CLYBL: variants seen among roughly 807,000 people sequenced by gnomAD.
CLYBL encodes citramalyl-CoA lyase, mitochondrial.
A neutral mutation model predicts 38.9 loss-of-function variants in CLYBL; 31 were observed. That is an observed-to-expected ratio of 0.80 (90% CI 0.60 to 1.08). The LOEUF (loss-of-function observed/expected upper bound fraction) is 1.08, where lower values mean the gene tolerates loss of function less well. CLYBL is among the 50% of genes least tolerant of loss of function. The probability of loss-of-function intolerance (pLI) is 0.00; values close to 1 mark genes in which losing one functional copy is unlikely to be tolerated. For missense variants in CLYBL, 434 were observed against 411.6 expected (o/e 1.05, Z -0.47); for synonymous variants, 171 against 158.6 (o/e 1.08, Z -0.59).
intron 1 of CLYBL, among the ~76,000 whole-genome samples, chr13:99,677,068 C>A (rs2047664311): frequency 6.6e-6 from 1 of 151,690 alleles, no homozygotes; most frequent in Admixed American, 6.6e-5. Flanking sequence ...CTGTGTCAGC[C>A]ATAATTACTG....
At chr13:99,837,046 A>AT (rs2050956260) in intron 2 of CLYBL, among the ~76,000 whole-genome samples, 1 of 152,090 alleles carries the variant, frequency 6.6e-6, no homozygotes, top group South Asian at 2.1e-4. Context: ...TAATAATTAA[A>AT]AAAAAAAGGA....
At chr13:99,709,456 G>A (rs1345410013) in intron 1 of CLYBL, among the ~76,000 whole-genome samples, 12 of 152,168 alleles carry the variant, frequency 7.9e-5, no homozygotes, top group Non-Finnish European at 1.6e-4. Flanking sequence ...CTTTGTCCAT[G>A]TCCTGGCCAA....
intron 2 of CLYBL, among the ~76,000 whole-genome samples, chr13:99,803,864 G>A (rs576328565): frequency 3.9e-5 from 6 of 152,138 alleles, no homozygotes; most frequent in African/African-American, 1.2e-4. Context: ...AGTGGGGTTC[G>A]ACTGCAGTCC....
At chr13:99,891,543 A>G (rs1025003391) in intron 8 of CLYBL, 106 bp downstream of exon 8, 2 of 614,798 alleles carry the variant, frequency 3.3e-6, no homozygotes, top group Non-Finnish European at 5.7e-6. Flanking sequence ...GTTCATGTTA[A>G]TCACAATTTT....
intron 2 of CLYBL, among the ~76,000 whole-genome samples, chr13:99,808,756 T>C (rs1864966100): frequency 2.0e-5 from 3 of 152,256 alleles, no homozygotes. Context: ...AGGTGAATTT[T>C]TGAATTGGTA....
chr13:99,889,035 A>T (rs1782278988), intron 7 of CLYBL, among the ~76,000 whole-genome samples: 1 of 152,226 alleles, frequency 6.6e-6, no homozygotes, highest in Non-Finnish European at 1.5e-5. Context: ...TTTGCACCTT[A>T]AGCTTCATTA....
intron 1 of CLYBL, among the ~76,000 whole-genome samples, chr13:99,612,770 G>T (rs1277183031): frequency 6.6e-6 from 1 of 152,090 alleles, no homozygotes; most frequent in African/African-American, 2.4e-5. Context: ...CCAGCACTTT[G>T]AAAGGCTGAG....
chr13:99,817,654 C>CAAAAAAAAAAA (rs1189248896), intron 2 of CLYBL, among the ~76,000 whole-genome samples: 1 of 49,082 alleles, frequency 2.0e-5, no homozygotes, highest in African/African-American at 7.1e-5. Flanking sequence ...GACTCTGTCT[C>CAAAAAAAAAAA]AAAAAAAAAA....
chr13:99,681,980 G>A (rs1364726090), intron 1 of CLYBL, among the ~76,000 whole-genome samples: 1 of 152,206 alleles, frequency 6.6e-6, no homozygotes, highest in South Asian at 2.1e-4. Flanking sequence ...CAATTTCATC[G>A]TTGTGCTACC....
chr13:99,671,970 C>T (rs551307890), intron 1 of CLYBL, among the ~76,000 whole-genome samples: 75 of 152,176 alleles, frequency 4.9e-4, no homozygotes, highest in African/African-American at 1.8e-3. Context: ...CACCCTTCAC[C>T]GTCTCCTTTT....
At chr13:99,660,703 A>G (rs1421695945) in intron 1 of CLYBL, among the ~76,000 whole-genome samples, 2 of 152,208 alleles carry the variant, frequency 1.3e-5, no homozygotes, top group Non-Finnish European at 2.9e-5. Flanking sequence ...TCTAAAAGCT[A>G]TGTATCCCGT....
At position 99,772,804 on chromosome 13, in the gene CLYBL, C is replaced by A. The variant is rs768297438; in HGVS notation, c.63-20C>A. 6 of 1,568,148 alleles carry A rather than the reference C, an allele frequency of 3.8e-6. No individual in the cohort carries two copies. In the South Asian group the frequency reaches 7.2e-5, roughly 19 times the overall value. On this transcript the variant is annotated intron_variant, in intron 1 of 8. Transcript: ENST00000339105. The stretch of plus-strand genomic sequence containing the variant: ...TACAGAAATCTCATTCTGGACTAAC[C>A]CCAATCACGTGTCTTGCAGGAAAGC...
intron 2 of CLYBL, among the ~76,000 whole-genome samples, chr13:99,810,323 C>A (rs1248569419): frequency 1.3e-5 from 2 of 152,144 alleles, no homozygotes; most frequent in Non-Finnish European, 2.9e-5. Flanking sequence ...AAACAGGACT[C>A]CAGGGTGGAG....
intron 7 of CLYBL, among the ~76,000 whole-genome samples, chr13:99,874,034 G>T (rs1480895419): frequency 1.6e-4 from 24 of 152,164 alleles, no homozygotes. Context: ...TTTGTTTCAG[G>T]AAACTGAAAG....
intron 8 of CLYBL, among the ~76,000 whole-genome samples, chr13:99,902,229 A>G (rs1249310068): frequency 6.6e-6 from 1 of 152,230 alleles, no homozygotes; most frequent in East Asian, 1.9e-4. Flanking sequence ...ACAAATGATT[A>G]GTATAAAAAC....
intron 1 of CLYBL, among the ~76,000 whole-genome samples, chr13:99,721,445 TTTTTCTTTTTTTA>T (rs1490135743): frequency 6.6e-6 from 1 of 151,472 alleles, no homozygotes; most frequent in African/African-American, 2.4e-5. Flanking sequence ...TTCAAATTAA[TTTTTCTTTTTTTA>T]TTTTCTTTTT....
chr13:99,873,461 T>C (rs1453069492), intron 7 of CLYBL, among the ~76,000 whole-genome samples: 3 of 152,254 alleles, frequency 2.0e-5, no homozygotes, highest in Admixed American at 6.5e-5. Context: ...CTCTCAAAGA[T>C]AGGAAACTGA....
chr13:99,811,465 A>G lies in CLYBL; in HGVS notation c.249+38455A>G, dbSNP rs556278156. 7.9e-5 allele frequency among the ~76,000 whole-genome samples: 12 copies of G among 152,280 alleles called. 2 individuals carry two copies. Among genetic ancestry groups the G allele is most frequent in the Middle Eastern group, 6.8e-3 (2 of 294 alleles). ...GAGGAAGGGCCTCCCTTCCTCCAAA[A>G]TCAATGTCCCTGTTAACTTGGGCAG... On this transcript the variant is annotated intron_variant, in intron 2 of 8. Coordinates refer to ENST00000339105, the MANE Select transcript of CLYBL (RefSeq NM_206808.5).
chr13:99,775,786 G>A (rs538250688), intron 2 of CLYBL, among the ~76,000 whole-genome samples: 1 of 152,250 alleles, frequency 6.6e-6, no homozygotes, highest in East Asian at 1.9e-4. Context: ...TGGGATTACA[G>A]GCATAAGCCA....
Sources: gnomAD v4.1 joint callset for allele counts (sites outside exome capture counted in the v4.1 genomes callset) on GRCh38, gnomAD v4.1.1 for gene constraint, MANE v1.5 for transcripts, NCBI Gene and HGNC (gene_info 2026-07-23, HGNC 2026-07-21) for gene names.